UNC50: variants seen among roughly 807,000 people sequenced by gnomAD.
The protein encoded by UNC50 is protein unc-50 homolog.
In UNC50, 24 loss-of-function variants were observed where a neutral mutation model predicts 31.5. The ratio of observed to expected loss-of-function variants is 0.76; its 90% CI spans 0.55 to 1.07. The LOEUF is 1.07. Among genes scored for constraint, UNC50 ranks in the 50% least tolerant of loss-of-function variants. The pLI, the probability that UNC50 is intolerant of heterozygous loss-of-function variation, is 0.00. For synonymous variants in UNC50, 118 were observed against 114.7 expected, an observed-to-expected ratio of 1.03 and a Z score of -0.18; for missense variants, 245 against 304.2, an observed-to-expected ratio of 0.81 and a Z score of 1.45.
intron 3 of UNC50, among the ~76,000 whole-genome samples, chr2:98,614,768 T>A (rs1700892980): frequency 1.3e-5 from 2 of 152,206 alleles, no homozygotes; most frequent in African/African-American, 4.8e-5. Context: ...CATTCTTGGC[T>A]AAAAAGGAAA....
chr2:98,613,822 T>C (rs143359300), intron 3 of UNC50, among the ~76,000 whole-genome samples: 5 of 152,306 alleles, frequency 3.3e-5, no homozygotes, highest in African/African-American at 1.2e-4. Flanking sequence ...TGTGAGGAAC[T>C]AGAAAGAGAA....
rs1700798924 is a variant in UNC50, at chr2:98,610,029, C to G, written c.270C>G (p.Ile90Met). The change falls in exon 2 of 6, where the codon ATC (isoleucine) becomes ATG (methionine). Residue 90 changes from isoleucine (I) to methionine (M), a missense_variant. By Grantham distance (10) the Ile-to-Met change is conservative. Coordinates refer to ENST00000357765, the MANE Select transcript of UNC50 (RefSeq NM_014044.7). ...DDPAFLVLLSIWLCVSTIGFG... is the reference protein window; with the variant it reads ...DDPAFLVLLSMWLCVSTIGFG... ...CTGCTTTCTTGGTCCTGTTAAGTAT[C>G]TGGCTCTGTGGTAAGTGTGTTTATC... is the stretch of plus-strand genomic sequence containing the variant. The G allele has an allele frequency of 1.9e-6, 3 of 1,612,600 alleles. No individual in the cohort carries two copies. The highest frequency in any genetic ancestry group is 2.5e-6 in the Non-Finnish European group (3 of 1,178,828).
rs1186940749 is a variant in UNC50, at chr2:98,618,433, AATAT to A, written c.*134_*137del. On this transcript the variant is annotated 3_prime_UTR_variant, in exon 6 of 6. Coordinates refer to ENST00000357765, the MANE Select transcript of UNC50 (RefSeq NM_014044.7). Reference sequence around the variant, plus strand: ...GGTGTAAAGTTTGCAAATTTGAAGAAATATATATTAACACTGTGGTCAGGTACAT... The same window carrying A: ...GGTGTAAAGTTTGCAAATTTGAAGAAATATTAACACTGTGGTCAGGTACAT... 3 of 877,784 alleles carry A rather than the reference AATAT, an allele frequency of 3.4e-6. No homozygotes were observed. The African/African-American group carries it at 5.2e-5, about 15-fold the overall frequency. 54.4% of individuals were successfully genotyped at this position (877,784 alleles called of 1,614,324 possible). A position where few individuals can be genotyped will look rare whatever the true frequency, so the allele number is the denominator to read the frequency against.
Position 98,616,264 on chromosome 2 carries a change from G to C in UNC50, c.459G>C (p.Trp153Cys). Reference protein sequence around the residue: ...KRQSRDYDVEWGYAFDVHLNA... With the variant: ...KRQSRDYDVECGYAFDVHLNA... ...AGAGCAGAGACTATGATGTGGAATGGGGCTATGCTTTTGATGTGCATCTCA... is the reference window on the plus strand; with the variant it reads ...AGAGCAGAGACTATGATGTGGAATGCGGCTATGCTTTTGATGTGCATCTCA... The change falls in exon 4 of 6, where the codon TGG becomes TGC. Residue 153 changes from tryptophan to cysteine, a missense_variant. Physicochemically the swap from Trp to Cys is radical, Grantham distance 215 (BLOSUM62 -2). Coordinates refer to ENST00000357765, the MANE Select transcript of UNC50 (RefSeq NM_014044.7). The C allele has an allele frequency of 6.2e-7, 1 of 1,614,090 alleles. No individual in the cohort carries two copies. The highest frequency in any genetic ancestry group is 8.5e-7 in the Non-Finnish European group (1 of 1,179,972).
chr2:98,608,746 C>T lies in UNC50; in HGVS notation c.-5+20C>T. ...CTCCAGGTGAGGCCTGAGGACCACT[C>T]TGCCCTCCCGCGGCCCGGGCTCGCG... On this transcript the variant is annotated intron_variant, in intron 1 of 5. Coordinates refer to ENST00000357765, the MANE Select transcript of UNC50 (RefSeq NM_014044.7). The T allele has an allele frequency of 2.8e-6, 1 of 354,814 alleles. No homozygotes were observed. The highest frequency in any genetic ancestry group is 5.2e-6 in the Non-Finnish European group (1 of 191,024). 22.0% of individuals were successfully genotyped at this position (354,814 alleles called of 1,614,324 possible).
intron 5 of UNC50, among the ~76,000 whole-genome samples, chr2:98,617,433 A>G (rs1700945551): frequency 6.6e-6 from 1 of 152,112 alleles, no homozygotes; most frequent in Non-Finnish European, 1.5e-5. Flanking sequence ...ATTTCTAATG[A>G]ATTTTGAAAG....
chr2:98,618,137 T>TA lies in UNC50; in HGVS notation c.644-31_644-30insA, dbSNP rs1553534062. ...ATTAGTCATTTATTTTTTTTTTTTT[T>TA]TAAATCAGTTTGGATTCCTTTCTTT... On this transcript the variant is annotated intron_variant, in intron 5 of 5. Coordinates refer to ENST00000357765, the MANE Select transcript of UNC50 (RefSeq NM_014044.7). 2.8e-5 allele frequency: 42 copies of TA among 1,484,982 alleles called. No individual in the cohort carries two copies. The African/African-American group carries it at 4.0e-4, about 14-fold the overall frequency. 92.0% of individuals were successfully genotyped at this position (1,484,982 alleles called of 1,614,324 possible).
intron 3 of UNC50, 33 bp downstream of exon 3, chr2:98,610,928 G>A (rs112175716): frequency 6.3e-7 from 1 of 1,595,300 alleles, no homozygotes. Flanking sequence ...TTCAGATACT[G>A]CTGTAGCATC....
rs755011958 is a variant in UNC50 at position 98,609,906 on chromosome 2, T to A, written c.147T>A (p.Ala49=). 1 of 1,614,228 alleles carries A rather than the reference T, an allele frequency of 6.2e-7. No homozygotes were observed. Among genetic ancestry groups the A allele is most frequent in the Admixed American group, 1.7e-5 (1 of 60,030 alleles). The change falls in exon 2 of 6, where the codon GCT becomes GCA. Residue 49 remains alanine (A), a synonymous_variant. Coordinates refer to ENST00000357765, the MANE Select transcript of UNC50 (RefSeq NM_014044.7). ...TTCGGCAAATGGACTTTGAATTTGC[T>A]GCCTGGCAGATGCTCTACCTGTTCA... is the stretch of plus-strand genomic sequence containing the variant. The part of the protein sequence containing the change: ...FRFRQMDFEF[A]AWQMLYLFTS...
intron 3 of UNC50, among the ~76,000 whole-genome samples, chr2:98,611,673 T>G (rs1410519058): frequency 6.6e-6 from 1 of 152,188 alleles, no homozygotes; most frequent in Admixed American, 6.5e-5. Flanking sequence ...CCGAGATTTA[T>G]TTTCTGCATA....
chr2:98,610,083 T>C, intron 2 of UNC50, 44 bp downstream of exon 2: 1 of 1,544,272 alleles, frequency 6.5e-7, no homozygotes, highest in Non-Finnish European at 8.8e-7. Context: ...TGAGTGTTTC[T>C]GATTAGATTT....
At chr2:98,611,293 T>A (rs926073966) in intron 3 of UNC50, among the ~76,000 whole-genome samples, 8 of 152,198 alleles carry the variant, frequency 5.3e-5, no homozygotes, top group Non-Finnish European at 1.2e-4. Context: ...GAGACATCAG[T>A]CAATATGTGT....
intron 3 of UNC50, among the ~76,000 whole-genome samples, chr2:98,614,787 G>T (rs1032914893): frequency 3.3e-5 from 5 of 152,156 alleles, no homozygotes; most frequent in Admixed American, 2.6e-4. Context: ...AACTGTCTTG[G>T]TAAGCTCTAG....
chr2:98,614,705 G>A (rs930841302), intron 3 of UNC50, among the ~76,000 whole-genome samples: 1 of 152,168 alleles, frequency 6.6e-6, no homozygotes, highest in Admixed American at 6.5e-5. Flanking sequence ...CTACAGAAAG[G>A]GCGCTCTTGG....
At chr2:98,615,218 C>T (rs2104184284) in intron 3 of UNC50, among the ~76,000 whole-genome samples, 1 of 152,348 alleles carries the variant, frequency 6.6e-6, no homozygotes, top group Middle Eastern at 3.4e-3. Flanking sequence ...TATCCACATT[C>T]ATTTTTTTGG....
intron 3 of UNC50, among the ~76,000 whole-genome samples, chr2:98,611,902 A>T (rs1168708691): frequency 2.6e-5 from 4 of 151,520 alleles, no homozygotes; most frequent in African/African-American, 9.7e-5. Context: ...TTTTTTTTTT[A>T]AACTTCTCAT....
intron 5 of UNC50, among the ~76,000 whole-genome samples, chr2:98,617,521 A>G (rs1700948259): frequency 1.3e-5 from 2 of 152,152 alleles, no homozygotes; most frequent in South Asian, 4.1e-4. Context: ...GACCTATACC[A>G]CTTAGAATAG....
rs924580032 is a variant in UNC50 at position 98,618,386 on chromosome 2, T to C, written c.*82T>C. ...TCTTGTAAAACTTGTAAATAAACTA[T>C]CATCTTTGTAGATATCTTAAAGGTG... On this transcript the variant is annotated 3_prime_UTR_variant, in exon 6 of 6. Coordinates refer to ENST00000357765, the MANE Select transcript of UNC50 (RefSeq NM_014044.7). The C allele has an allele frequency of 1.7e-5, 25 of 1,430,950 alleles. No individual in the cohort carries two copies. The highest frequency in any genetic ancestry group is 5.3e-5 in the Admixed American group (2 of 37,588). The allele number at this position is 1,430,950 out of a possible 1,614,324, so 88.6% of individuals were successfully genotyped here.
chr2:98,608,642 C>G lies in UNC50; in HGVS notation c.-89C>G. On this transcript the variant is annotated 5_prime_UTR_variant, in exon 1 of 6. Transcript: ENST00000357765. ...GCCGGCTCCGTTGAGGGAAGGGAAG[C>G]CCGCCCGGTGGCGGCTGGGGTCGGC... 1 of 569,488 alleles carries G rather than the reference C, an allele frequency of 1.8e-6. No homozygotes were observed. Among genetic ancestry groups the G allele is most frequent in the Non-Finnish European group, 3.1e-6 (1 of 320,110 alleles). The allele number at this position is 569,488 out of a possible 1,614,324, so 35.3% of individuals were successfully genotyped here.
Sources: allele counts gnomAD v4.1 joint callset (sites outside exome capture counted in the v4.1 genomes callset), GRCh38; gene constraint gnomAD v4.1.1; transcripts MANE v1.5; gene names NCBI Gene and HGNC (gene_info 2026-07-23, HGNC 2026-07-21).